Variants in LRRC37A2 observed in about 807,000 individuals in gnomAD.
LRRC37A2 encodes the protein leucine rich repeat containing 37 member A2, also known as leucine-rich repeat-containing protein 37A2.
Under a neutral mutation model 68.8 loss-of-function variants are expected in LRRC37A2, and 9 were observed. The ratio of observed to expected loss-of-function variants is 0.13; its 90% CI spans 0.08 to 0.23. The LOEUF (loss-of-function observed/expected upper bound fraction) is 0.23, where lower values mean the gene tolerates loss of function less well. Ranked by LOEUF, LRRC37A2 falls within the 10% of genes least tolerant of loss-of-function variation. LRRC37A2 has a pLI of 1.00. For missense variants in LRRC37A2, 168 were observed against 950.4 expected, an observed-to-expected ratio of 0.18 and a Z score of 10.82; for synonymous variants, 63 against 367.6, an observed-to-expected ratio of 0.17 and a Z score of 9.48.
At chr17:46,842,786 T>C in the LRRC37A2 span, among the ~76,000 whole-genome samples, 3 of 152,246 alleles carry the variant, frequency 2.0e-5, no homozygotes, top group African/African-American at 7.2e-5. Context: ...GATTAGTTTT[T>C]TGAAACCATC....
the LRRC37A2 span, among the ~76,000 whole-genome samples, chr17:46,772,384 G>T: frequency 6.6e-6 from 1 of 152,248 alleles, no homozygotes; most frequent in Non-Finnish European, 1.5e-5. Context: ...CTTTCCCCTG[G>T]CTCTTGGCCG....
At chr17:46,807,880 T>C in the LRRC37A2 span, among the ~76,000 whole-genome samples, 1 of 152,324 alleles carries the variant, frequency 6.6e-6, no homozygotes, top group Admixed American at 6.5e-5. Context: ...AAGCATGCTT[T>C]ATCAGAAAGG....
the LRRC37A2 span, chr17:46,978,716 T>C: frequency 6.2e-7 from 1 of 1,612,034 alleles, no homozygotes; most frequent in Non-Finnish European, 8.5e-7. Flanking sequence ...AAGTTGATCA[T>C]GCTCTCGGAC....
At chr17:46,821,746 A>T in the LRRC37A2 span, among the ~76,000 whole-genome samples, 1 of 151,988 alleles carries the variant, frequency 6.6e-6, no homozygotes, top group Non-Finnish European at 1.5e-5. Flanking sequence ...TGGGAAGGGG[A>T]CCCCAGTCCC....
chr17:46,799,104 T>C, the LRRC37A2 span, among the ~76,000 whole-genome samples: 1 of 151,504 alleles, frequency 6.6e-6, no homozygotes, highest in Admixed American at 6.6e-5. Flanking sequence ...CACCCTTCCC[T>C]TCCTGAGAAC....
chr17:46,923,461 G>C, the LRRC37A2 span: 1 of 1,402,260 alleles, frequency 7.1e-7, no homozygotes, highest in East Asian at 2.6e-5. Context: ...CTGCAAGTTC[G>C]TGACTACCTG....
chr17:46,979,018 C>T, the LRRC37A2 span: 1 of 1,394,044 alleles, frequency 7.2e-7, no homozygotes, highest in Non-Finnish European at 9.2e-7. Context: ...CGCCGCGCGG[C>T]GCCGGGGGTC....
chr17:47,038,371 T>C, the LRRC37A2 span, among the ~76,000 whole-genome samples: 137 of 151,932 alleles, frequency 9.0e-4, no homozygotes, highest in African/African-American at 3.2e-3. Context: ...ATCCCTGTAC[T>C]TTGGGAGGCC....
chr17:46,907,005 T>C, the LRRC37A2 span, among the ~76,000 whole-genome samples: 1 of 152,138 alleles, frequency 6.6e-6, no homozygotes, highest in South Asian at 2.1e-4. Flanking sequence ...CTAGTATAAG[T>C]TGTAAAGAGT....
At chr17:46,608,860 C>G in the LRRC37A2 span, among the ~76,000 whole-genome samples, 1 of 151,958 alleles carries the variant, frequency 6.6e-6, no homozygotes, top group Non-Finnish European at 1.5e-5. Context: ...TCCCAAAGTG[C>G]TGGGATTACA....
the LRRC37A2 span, among the ~76,000 whole-genome samples, chr17:46,783,211 C>G: frequency 6.6e-6 from 1 of 152,166 alleles, no homozygotes; most frequent in Non-Finnish European, 1.5e-5. Context: ...GACCCAAGGT[C>G]TTGAGATAAA....
At chr17:46,438,351 A>C in the LRRC37A2 span, among the ~76,000 whole-genome samples, 1 of 81,212 alleles carries the variant, frequency 1.2e-5, no homozygotes, top group East Asian at 2.3e-4. Context: ...AAAAAAAAAA[A>C]AAAGGAATGG....
downstream of LRRC37A2, among the ~76,000 whole-genome samples, chr17:46,558,002 C>T (rs1264925053): frequency 1.5e-5 from 2 of 135,744 alleles, no homozygotes; most frequent in Admixed American, 7.5e-5. Flanking sequence ...AAAACTTAGC[C>T]CTCATTGAAA....
the LRRC37A2 span, among the ~76,000 whole-genome samples, chr17:46,793,492 G>A: frequency 1.7e-4 from 26 of 152,000 alleles, no homozygotes; most frequent in African/African-American, 6.0e-4. Context: ...CAGATCTTCC[G>A]CACTGGAGGT....
At chr17:46,880,721 A>C in the LRRC37A2 span, among the ~76,000 whole-genome samples, 3 of 152,114 alleles carry the variant, frequency 2.0e-5, no homozygotes, top group East Asian at 5.8e-4. Context: ...AAAGTATGGG[A>C]TTTTTTTCCT....
chr17:47,024,029 G>A, the LRRC37A2 span, among the ~76,000 whole-genome samples: 4 of 152,140 alleles, frequency 2.6e-5, no homozygotes, highest in South Asian at 2.1e-4. Context: ...CTTTTGTAAC[G>A]ATGTTTACAT....
chr17:46,777,264 C>T, the LRRC37A2 span, among the ~76,000 whole-genome samples: 916 of 152,344 alleles, frequency 6.0e-3, 11 homozygotes, highest in African/African-American at 0.02. Flanking sequence ...CCAACTTGTG[C>T]GAGGTCACAC....
At chr17:46,903,351 C>A in the LRRC37A2 span, among the ~76,000 whole-genome samples, 1 of 151,878 alleles carries the variant, frequency 6.6e-6, no homozygotes, top group South Asian at 2.1e-4. Flanking sequence ...TGTCTGCAGT[C>A]CCCAGATGTG....
the LRRC37A2 span, among the ~76,000 whole-genome samples, chr17:46,847,043 A>G: frequency 1.3e-5 from 2 of 152,230 alleles, no homozygotes; most frequent in Non-Finnish European, 1.5e-5. Flanking sequence ...CCCCACTTTC[A>G]GTAATTTTTT....
Sources: allele counts gnomAD v4.1 joint callset (sites outside exome capture counted in the v4.1 genomes callset), GRCh38; gene constraint gnomAD v4.1.1; transcripts MANE v1.5; gene names NCBI Gene and HGNC (gene_info 2026-07-23, HGNC 2026-07-21).